VANGL2: variants seen among roughly 807,000 people sequenced by gnomAD.
VANGL2 encodes the protein vang-like protein 2.
VANGL2 carries 14 observed loss-of-function variants against 50.2 expected under a neutral mutation model. That is an observed-to-expected ratio of 0.28 (90% CI 0.18 to 0.44). The LOEUF (loss-of-function observed/expected upper bound fraction) is 0.44, where lower values mean the gene tolerates loss of function less well. VANGL2 is among the 20% of genes least tolerant of loss of function. VANGL2 has a pLI of 1.00. For synonymous variants in VANGL2, 295 were observed against 297.2 expected, an observed-to-expected ratio of 0.99 and a Z score of 0.08; for missense variants, 533 against 701.5, an observed-to-expected ratio of 0.76 and a Z score of 2.71.
At chr1:160,401,040 C>A (rs978286808) in intron 1 of VANGL2, among the ~76,000 whole-genome samples, 171 bp downstream of exon 1, 2 of 152,212 alleles carry the variant, frequency 1.3e-5, no homozygotes, top group African/African-American at 4.8e-5. Context: ...CTCCGGGCAA[C>A]CCCCTTCCGG....
chr1:160,402,043 G>A (rs568313222), intron 1 of VANGL2, among the ~76,000 whole-genome samples: 1 of 152,314 alleles, frequency 6.6e-6, no homozygotes, highest in African/African-American at 2.4e-5. Flanking sequence ...TTCGTGGATG[G>A]CCTCGCCTGG....
chr1:160,412,719 A>G (rs1289994713), intron 1 of VANGL2, among the ~76,000 whole-genome samples: 1 of 152,126 alleles, frequency 6.6e-6, no homozygotes, highest in Non-Finnish European at 1.5e-5. Context: ...CCTCCATTGA[A>G]CTCTGTTAAG....
At chr1:160,416,270 G>T in intron 3 of VANGL2, 88 bp downstream of exon 3, 1 of 1,604,566 alleles carries the variant, frequency 6.2e-7, no homozygotes, top group Non-Finnish European at 8.5e-7. Flanking sequence ...GGGAGGGCTT[G>T]GAAACCTGGT....
intron 4 of VANGL2, 138 bp from the exon 5 acceptor site, chr1:160,420,273 C>G: frequency 8.6e-7 from 1 of 1,164,592 alleles, no homozygotes; most frequent in Non-Finnish European, 1.2e-6. Context: ...ACCTCAGGCC[C>G]GGAGTCAGGC....
chr1:160,420,514 G>A lies in VANGL2; in HGVS notation c.904G>A (p.Val302Met), dbSNP rs1178148973. The change falls in exon 5 of 8, where the codon GTG (valine) becomes ATG (methionine). Residue 302 changes from valine (V) to methionine (M), a missense_variant. Transcript: ENST00000368061. ...NLPKSVLAKK[V>M]SGFKVYSLGE... Reference sequence around the variant, plus strand: ...GCCCAAGTCCGTCCTGGCCAAGAAAGTGTCTGGCTTCAAGGTGTATTCCCT... The same window carrying A: ...GCCCAAGTCCGTCCTGGCCAAGAAAATGTCTGGCTTCAAGGTGTATTCCCT... The A allele has an allele frequency of 6.2e-7, 1 of 1,614,182 alleles. No individual in the cohort carries two copies. The highest frequency in any genetic ancestry group is 1.7e-5 in the Admixed American group (1 of 60,030).
At chr1:160,418,020 T>C (rs1651120610) in intron 3 of VANGL2, among the ~76,000 whole-genome samples, 1 of 151,630 alleles carries the variant, frequency 6.6e-6, no homozygotes. Context: ...CAAGCGATTC[T>C]CCTGCATCAG....
chr1:160,422,047 C>T (rs1651293602), intron 6 of VANGL2, among the ~76,000 whole-genome samples: 1 of 152,322 alleles, frequency 6.6e-6, no homozygotes, highest in East Asian at 1.9e-4. Context: ...CCATCTTGGT[C>T]TGTCGGGAGT....
At position 160,419,060 on chromosome 1, in the gene VANGL2, C is replaced by T. The variant is rs1571244916; in HGVS notation, c.251C>T (p.Ser84Phe). The change falls in exon 4 of 8, where the codon TCC becomes TTC. Residue 84 changes from serine to phenylalanine, a missense_variant. Ser to Phe is a radical substitution (Grantham distance 155). Coordinates refer to ENST00000368061, the MANE Select transcript of VANGL2 (RefSeq NM_020335.3). This position sits in a 1 kb window ranked among gnomAD's most constrained non-coding sequence, Gnocchi z 5.8. ...ACGGGCACCTCAGAGCACAGCATCT[C>T]CCATGATGACCTCACACGCATCGCC... ...VVTGTSEHSI[S>F]HDDLTRIAKD... The T allele has an allele frequency of 6.2e-7, 1 of 1,613,256 alleles. No individual in the cohort carries two copies. The highest frequency in any genetic ancestry group is 2.2e-5 in the East Asian group (1 of 44,844).
intron 1 of VANGL2, among the ~76,000 whole-genome samples, chr1:160,410,824 C>G (rs938081076): frequency 2.0e-5 from 3 of 152,142 alleles, no homozygotes; most frequent in Non-Finnish European, 2.9e-5. Flanking sequence ...CAGACAAAAG[C>G]TGGGGCCGCC....
At position 160,415,600 on chromosome 1, in the gene VANGL2, C is replaced by T. The variant is rs138655796; in HGVS notation, c.-190-48C>T. On this transcript the variant is annotated intron_variant, in intron 1 of 7. Coordinates refer to ENST00000368061, the MANE Select transcript of VANGL2 (RefSeq NM_020335.3). ...GCAGATGGTCTTCCTCTGCCCTGAC[C>T]CCACAGGGAGCTCGAGCCGCCTCTA... 4.1e-4 allele frequency: 233 copies of T among 567,620 alleles called. 1 individual carries two copies. The highest frequency in any genetic ancestry group is 4.5e-4 in the Non-Finnish European group (142 of 316,686). The allele number at this position is 567,620 out of a possible 1,614,324, so 35.2% of individuals were successfully genotyped here.
intron 6 of VANGL2, among the ~76,000 whole-genome samples, chr1:160,423,431 G>A (rs1216985616): frequency 6.6e-6 from 1 of 151,934 alleles, no homozygotes; most frequent in Non-Finnish European, 1.5e-5. Context: ...ATTTTCATTT[G>A]CATCTCTCTA....
chr1:160,410,274 GCTTC>G, intron 1 of VANGL2, among the ~76,000 whole-genome samples: 1 of 152,238 alleles, frequency 6.6e-6, no homozygotes, highest in South Asian at 2.1e-4. Flanking sequence ...CTTCTCAGCT[GCTTC>G]CAGCCCTGTC....
At position 160,424,187 on chromosome 1, in the gene VANGL2, G is replaced by A. The variant is rs7549483; in HGVS notation, c.1209G>A (p.Gln403=). 2.4e-5 allele frequency: 38 copies of A among 1,614,076 alleles called. No individual in the cohort carries two copies. In the Admixed American group the frequency reaches 6.3e-4, roughly 27 times the overall value. The change falls in exon 7 of 8, where the codon CAG becomes CAA. Residue 403 remains glutamine, a synonymous_variant. Coordinates refer to ENST00000368061, the MANE Select transcript of VANGL2 (RefSeq NM_020335.3). The part of the protein sequence containing the change: ...AIFASMARAM[Q]KYLRTTKQQP... Reference sequence around the variant, plus strand: ...TTGCATCCATGGCCCGTGCCATGCAGAAGTACCTTCGGACCACCAAGCAGC... The same window carrying A: ...TTGCATCCATGGCCCGTGCCATGCAAAAGTACCTTCGGACCACCAAGCAGC...
rs574127533 is a variant in VANGL2, at chr1:160,416,082, G to T, written c.92G>T (p.Arg31Leu). 6.2e-7 allele frequency: 1 copy of T among 1,614,222 alleles called. No individual in the cohort carries two copies. The highest frequency in any genetic ancestry group is 1.7e-5 in the Admixed American group (1 of 60,032). Residue 31 changes from arginine to leucine, a missense_variant, in exon 3 of 8, where the codon CGC becomes CTC. Arg to Leu is a moderately radical substitution (Grantham distance 102). Transcript: ENST00000368061. ...CGCAGGGACCGCCGGGACCGACACC[G>T]CTCTAAGAGTCGAGATGGGGGCCGA... ...RKHRDRRDRHRSKSRDGGRGD... is the reference protein window; with the variant it reads ...RKHRDRRDRHLSKSRDGGRGD...
In VANGL2 at chr1:160,428,385, G is replaced by A. The variant is rs897307937; in HGVS notation, c.*3007G>A. On this transcript the variant is annotated 3_prime_UTR_variant, in exon 8 of 8. Coordinates refer to ENST00000368061, the MANE Select transcript of VANGL2 (RefSeq NM_020335.3). Reference sequence around the variant, plus strand: ...TTTGTTCTTCCGTGCGCAAAAGGAAGAGGGCTTTTTGAGTCCCTTCCAAGT... The same window carrying A: ...TTTGTTCTTCCGTGCGCAAAAGGAAAAGGGCTTTTTGAGTCCCTTCCAAGT... 6.6e-6 allele frequency: 1 copy of A among 152,392 alleles called. No individual in the cohort carries two copies. The highest frequency in any genetic ancestry group is 1.5e-5 in the Non-Finnish European group (1 of 68,014). The allele number at this position is 152,392 out of a possible 1,614,324, so 9.4% of individuals were successfully genotyped here.
chr1:160,407,229 AG>A (rs34230943), intron 1 of VANGL2, among the ~76,000 whole-genome samples: 1 of 152,172 alleles, frequency 6.6e-6, no homozygotes, highest in Non-Finnish European at 1.5e-5. Flanking sequence ...AATCTCAGGT[AG>A]GGGGGTGGTC....
rs1001459139 is a variant in VANGL2 at position 160,421,100 on chromosome 1, C to T, written c.986C>T (p.Ala329Val). Residue 329 changes from alanine (A) to valine (V), a missense_variant, in exon 6 of 8, where the codon GCG becomes GTG. By Grantham distance (64) the Ala-to-Val change is moderately conservative. Coordinates refer to ENST00000368061, the MANE Select transcript of VANGL2 (RefSeq NM_020335.3). ...GGCCAGTCTCGGGCTGTGATTGCAG[C>T]GGCAGCTCGGAGGCGGGACAACAGT... ...STGQSRAVIA[A>V]AARRRDNSHN... 18 of 1,614,138 alleles carry T rather than the reference C, an allele frequency of 1.1e-5. No homozygotes were observed. Among genetic ancestry groups the T allele is most frequent in the East Asian group, 2.2e-5 (1 of 44,894 alleles).
intron 1 of VANGL2, among the ~76,000 whole-genome samples, chr1:160,414,408 C>A (rs1200765690): frequency 6.6e-6 from 1 of 152,200 alleles, no homozygotes; most frequent in Non-Finnish European, 1.5e-5. Flanking sequence ...CATTTTCCTG[C>A]ACTCTTTGCT....
chr1:160,412,355 A>G (rs1650908947), intron 1 of VANGL2, among the ~76,000 whole-genome samples: 1 of 151,264 alleles, frequency 6.6e-6, no homozygotes, highest in Non-Finnish European at 1.5e-5. Flanking sequence ...CCCCTTCTCT[A>G]CCCCCATGTC....
Sources: gnomAD v4.1 joint callset for allele counts (sites outside exome capture counted in the v4.1 genomes callset) on GRCh38, gnomAD v4.1.1 for gene constraint, Gnocchi (gnomAD v3.1) non-coding constraint, MANE v1.5 for transcripts, NCBI Gene and HGNC (gene_info 2026-07-23, HGNC 2026-07-21) for gene names.